The following TEX14 variants were observed in gnomAD, a reference collection of about 807,000 sequenced individuals.
TEX14 encodes testis expressed 14, intercellular bridge forming factor.
A neutral mutation model predicts 178.6 loss-of-function variants in TEX14; 168 were observed. The ratio of observed to expected loss-of-function variants is 0.94; its 90% CI spans 0.83 to 1.07. TEX14 has a LOEUF of 1.07. Among genes scored for constraint, TEX14 ranks in the 50% least tolerant of loss-of-function variants. The pLI is 0.00. For missense variants in TEX14, 1,730 were observed against 1,753.6 expected, an observed-to-expected ratio of 0.99 and a Z score of 0.24; for synonymous variants, 626 against 634.1, an observed-to-expected ratio of 0.99 and a Z score of 0.19.
intron 21 of TEX14, 46 bp from the exon 22 acceptor site, chr17:58,574,295 C>T: frequency 1.4e-6 from 2 of 1,440,636 alleles, no homozygotes; most frequent in Non-Finnish European, 2.0e-6. Context: ...CCTCTGTGAA[C>T]AAAGTACACT....
At position 58,615,261 on chromosome 17, in the gene TEX14, G is replaced by C; in HGVS notation, c.852C>G (p.Asp284Glu). ...TGTGTTCCTGCTCGGCAATTAACAA[G>C]TCGGCCAGCCGCAGCCTGCTGCAGT... ...HPHCSRLRLA[D>E]LLIAEQEHSS... Residue 284 changes from aspartate to glutamate, a missense_variant, in exon 8 of 32, where the codon GAC becomes GAG. Physicochemically the swap from Asp to Glu is conservative, Grantham distance 45. This residue lies in a region of TEX14 where 789 missense variants were observed against 681.2 expected (regional missense o/e 1.16). Coordinates refer to ENST00000349033, the MANE Select transcript of TEX14 (RefSeq NM_031272.5). 6.2e-7 allele frequency: 1 copy of C among 1,613,596 alleles called. No individual in the cohort carries two copies. Among genetic ancestry groups the C allele is most frequent in the South Asian group, 1.1e-5 (1 of 91,050 alleles).
In TEX14 at chr17:58,615,295, G is replaced by A. The variant is rs200394563; in HGVS notation, c.818C>T (p.Thr273Ile). The A allele has an allele frequency of 6.2e-7, 1 of 1,613,850 alleles. No individual in the cohort carries two copies. Among genetic ancestry groups the A allele is most frequent in the East Asian group, 2.2e-5 (1 of 44,880 alleles). The change falls in exon 8 of 32, where the codon ACC (threonine) becomes ATC (isoleucine). Residue 273 changes from threonine to isoleucine, a missense_variant. Coordinates refer to ENST00000349033, the MANE Select transcript of TEX14 (RefSeq NM_031272.5). ...RVTVKELNLP[T>I]HPHCSRLRLA... is the part of the protein sequence containing the mutation. The stretch of plus-strand genomic sequence containing the variant: ...CCGCAGCCTGCTGCAGTGTGGGTGG[G>A]TGGGGAGATTCAGCTCTTTCACTGT...
intron 10 of TEX14, among the ~76,000 whole-genome samples, chr17:58,606,944 G>C (rs1377492243): frequency 6.9e-6 from 1 of 144,136 alleles, no homozygotes; most frequent in Non-Finnish European, 1.5e-5. Flanking sequence ...AGAATTGCTT[G>C]AATCCGGGAG....
chr17:58,578,583 T>G (rs1353329294), intron 20 of TEX14, among the ~76,000 whole-genome samples: 1 of 152,168 alleles, frequency 6.6e-6, no homozygotes, highest in Admixed American at 6.5e-5. Context: ...TTTCACATAC[T>G]TCATGTGTCT....
intron 19 of TEX14, 93 bp downstream of exon 19, chr17:58,584,407 C>T: frequency 1.2e-6 from 1 of 855,474 alleles, no homozygotes; most frequent in East Asian, 2.4e-5. Flanking sequence ...ACTACTATAG[C>T]TATTATTTTG....
chr17:58,659,270 A>T (rs1341070787), intron 1 of TEX14: 2 of 857,402 alleles, frequency 2.3e-6, no homozygotes, highest in Non-Finnish European at 2.8e-6. Flanking sequence ...ACACTTTATC[A>T]GGACCAACAG....
At chr17:58,641,271 G>A (rs1005649240) in intron 2 of TEX14, among the ~76,000 whole-genome samples, 6 of 151,766 alleles carry the variant, frequency 4.0e-5, no homozygotes, top group African/African-American at 1.2e-4. Context: ...TTAGCTGGGC[G>A]TGGTGGCACA....
intron 3 of TEX14, among the ~76,000 whole-genome samples, chr17:58,627,634 G>T (rs2046176158): frequency 6.6e-6 from 1 of 151,960 alleles, no homozygotes; most frequent in Admixed American, 6.6e-5. Flanking sequence ...GCCAGCTGTG[G>T]TGGTGGGCAC....
chr17:58,646,626 C>T (rs1315236967), intron 2 of TEX14, among the ~76,000 whole-genome samples: 2 of 152,138 alleles, frequency 1.3e-5, no homozygotes, highest in Admixed American at 6.6e-5. Context: ...CCATGGCACC[C>T]GGCTTGGTCA....
chr17:58,667,855 C>T (rs1055259671), intron 1 of TEX14, among the ~76,000 whole-genome samples: 1 of 150,782 alleles, frequency 6.6e-6, no homozygotes, highest in Non-Finnish European at 1.5e-5. Flanking sequence ...ATCATGCCAC[C>T]GCACTCCAGC....
At chr17:58,666,627 T>C (rs2047215896) in intron 1 of TEX14, 2 of 152,160 alleles carry the variant, frequency 1.3e-5, no homozygotes, top group Non-Finnish European at 2.9e-5. Flanking sequence ...CAGCACAAAG[T>C]GCAACGAATA....
At chr17:58,682,160 G>A (rs2047510837) in intron 1 of TEX14, among the ~76,000 whole-genome samples, 1 of 152,052 alleles carries the variant, frequency 6.6e-6, no homozygotes, top group Non-Finnish European at 1.5e-5. Flanking sequence ...TGTTGCCCAG[G>A]CTGGGCTCAA....
chr17:58,561,403 G>A, intron 29 of TEX14, 117 bp downstream of exon 29: 1 of 729,946 alleles, frequency 1.4e-6, no homozygotes, highest in Admixed American at 2.1e-5. Flanking sequence ...TGGAGTCAGG[G>A]CTGGCTTATC....
At chr17:58,640,944 T>G (rs1210611496) in intron 2 of TEX14, among the ~76,000 whole-genome samples, 1 of 152,026 alleles carries the variant, frequency 6.6e-6, no homozygotes, top group Non-Finnish European at 1.5e-5. Context: ...TGTCTCGACC[T>G]TCTCAGCTCA....
intron 2 of TEX14, among the ~76,000 whole-genome samples, chr17:58,649,393 T>C (rs1315702599): frequency 2.0e-5 from 3 of 152,132 alleles, no homozygotes; most frequent in Non-Finnish European, 4.4e-5. Flanking sequence ...TGAATACTTT[T>C]TAAAGAATCT....
chr17:58,669,471 G>A (rs948444450), intron 1 of TEX14, among the ~76,000 whole-genome samples: 3 of 152,014 alleles, frequency 2.0e-5, no homozygotes, highest in East Asian at 1.9e-4. Flanking sequence ...GGTGGCTCAC[G>A]CCTGTAATCC....
chr17:58,665,008 T>C (rs967180743), intron 1 of TEX14, among the ~76,000 whole-genome samples: 2 of 152,072 alleles, frequency 1.3e-5, no homozygotes, highest in Non-Finnish European at 2.9e-5. Context: ...AGCAGGCATG[T>C]AAGTTTGTGG....
At chr17:58,631,757 C>A (rs78029317) in intron 2 of TEX14, 4 of 152,004 alleles carry the variant, frequency 2.6e-5, no homozygotes, top group African/African-American at 7.3e-5. Flanking sequence ...ATCTCCCTCT[C>A]GCGGTTTCCA....
intron 21 of TEX14, among the ~76,000 whole-genome samples, chr17:58,576,815 T>C (rs1204233519): frequency 6.6e-6 from 1 of 152,208 alleles, no homozygotes; most frequent in Non-Finnish European, 1.5e-5. Flanking sequence ...TCAGCATAAT[T>C]CTCTGGAAAT....
Sources: allele counts gnomAD v4.1 joint callset (sites outside exome capture counted in the v4.1 genomes callset), GRCh38; gene constraint gnomAD v4.1.1; regional missense constraint gnomAD v4.1.1; transcripts MANE v1.5; gene names NCBI Gene and HGNC (gene_info 2026-07-23, HGNC 2026-07-21).